The following MED14 variants were observed in gnomAD, a reference collection of about 807,000 sequenced individuals.
MED14 encodes mediator of RNA polymerase II transcription subunit 14.
In MED14, 8 loss-of-function variants were observed where a neutral mutation model predicts 109.0. The ratio of observed to expected loss-of-function variants is 0.07; its 90% CI spans 0.04 to 0.13. The LOEUF is 0.13. MED14 is among the 10% of genes least tolerant of loss of function. MED14 has a pLI of 1.00. For missense variants in MED14, 711 were observed against 1,142.4 expected (o/e 0.62, Z 5.44); for synonymous variants, 399 against 408.7 (o/e 0.98, Z 0.29).
Position 40,709,433 on chromosome X carries a change from G to T in MED14, c.1200C>A (p.Leu400=), listed in dbSNP as rs1214903829. 1.8e-6 allele frequency: 2 copies of T among 1,133,175 alleles called. No individual in the cohort carries two copies. Among genetic ancestry groups the T allele is most frequent in the Admixed American group, 2.4e-5 (1 of 42,153 alleles). The allele number at this position is 1,133,175 out of a possible 1,213,427, so 93.4% of individuals were successfully genotyped here. Residue 400 remains leucine, a synonymous_variant, in exon 10 of 31, where the codon CTC becomes CTA. Transcript: ENST00000324817. The part of the protein sequence containing the change: ...MKIDHLSIEK[L]LIDSVHARAH... ...CTCTTGCATGGACACTGTCAATCAGGAGTTTTTCTATTGATAAGTGGTCGA... is the reference window on the plus strand; with the variant it reads ...CTCTTGCATGGACACTGTCAATCAGTAGTTTTTCTATTGATAAGTGGTCGA...
upstream of MED14, chrX:40,735,910 G>A (rs982637250): frequency 7.7e-6 from 2 of 261,405 alleles, no homozygotes; most frequent in African/African-American, 5.7e-5. Context: ...CGGAAACCAG[G>A]GTGAGGGCTG....
chrX:40,724,982 T>C (rs1931847236), intron 3 of MED14, among the ~76,000 whole-genome samples: 1 of 110,380 alleles, frequency 9.1e-6, no homozygotes, highest in Non-Finnish European at 1.9e-5. Flanking sequence ...AAGGAAACAT[T>C]ACAACTAATA....
At chrX:40,689,763 A>G (rs1175380261) in intron 15 of MED14, among the ~76,000 whole-genome samples, 2 of 112,158 alleles carry the variant, frequency 1.8e-5, no homozygotes, top group Non-Finnish European at 3.8e-5. Flanking sequence ...TCTCAGCCTA[A>G]ATTACTTTAA....
intron 18 of MED14, 26 bp from the exon 19 acceptor site, chrX:40,681,969 A>T: frequency 1.3e-6 from 1 of 778,773 alleles, no homozygotes; most frequent in South Asian, 3.0e-5. Flanking sequence ...CAAAAAGGAG[A>T]TTAATATTAT....
intron 3 of MED14, among the ~76,000 whole-genome samples, chrX:40,726,186 T>C (rs1402512908): frequency 1.8e-5 from 2 of 111,376 alleles, no homozygotes; most frequent in African/African-American, 6.5e-5. Context: ...CAAAAGACCA[T>C]GAGGTTCTCG....
At chrX:40,667,913 G>GGCCC (rs1364464626) in intron 23 of MED14, among the ~76,000 whole-genome samples, 64 of 111,419 alleles carry the variant, frequency 5.7e-4, no homozygotes, top group African/African-American at 2.1e-3. Flanking sequence ...AGCATGACTC[G>GGCCC]AAGAGCTTCG....
At chrX:40,716,563 C>T (rs915840158) in intron 3 of MED14, among the ~76,000 whole-genome samples, 1 of 105,543 alleles carries the variant, frequency 9.5e-6, no homozygotes, top group African/African-American at 3.5e-5. Flanking sequence ...GCACTCCAGT[C>T]TGGGTGACAG....
At chrX:40,720,046 T>C (rs188957038) in intron 3 of MED14, among the ~76,000 whole-genome samples, 6 of 111,878 alleles carry the variant, frequency 5.4e-5, no homozygotes, top group Admixed American at 2.8e-4. Context: ...CTAATTCTCA[T>C]TGATGGACTT....
At chrX:40,701,040 G>A in intron 12 of MED14, 125 bp downstream of exon 12, 1 of 421,051 alleles carries the variant, frequency 2.4e-6, no homozygotes. Flanking sequence ...GGTACCAAAC[G>A]GCACTTAAGT....
At chrX:40,659,395 T>C in intron 27 of MED14, 33 bp downstream of exon 27, 1 of 1,186,114 alleles carries the variant, frequency 8.4e-7, no homozygotes, top group Non-Finnish European at 1.1e-6. Context: ...GTTTCATTAA[T>C]TATATTCAAA....
At chrX:40,684,174 T>C (rs1930220185) in intron 16 of MED14, among the ~76,000 whole-genome samples, 1 of 111,738 alleles carries the variant, frequency 8.9e-6, no homozygotes, top group Non-Finnish European at 1.9e-5. Flanking sequence ...CTTGGCAGGA[T>C]TGGCATTTGG....
Position 40,651,021 on chromosome X carries a change from G to A in MED14, c.*785C>T. 4.0e-6 allele frequency: 3 copies of A among 753,489 alleles called. No individual in the cohort carries two copies. Among genetic ancestry groups the A allele is most frequent in the Non-Finnish European group, 4.7e-6 (3 of 638,561 alleles). 62.1% of individuals were successfully genotyped at this position (753,489 alleles called of 1,213,427 possible). Reference sequence around the variant, plus strand: ...GAACCACATACTGTCCCTTCTCAAAGACTAAGTTCCTTATTTTTCACCCAA... The same window carrying A: ...GAACCACATACTGTCCCTTCTCAAAAACTAAGTTCCTTATTTTTCACCCAA... On this transcript the variant is annotated 3_prime_UTR_variant, in exon 31 of 31. Coordinates refer to ENST00000324817, the MANE Select transcript of MED14 (RefSeq NM_004229.4).
intron 3 of MED14, among the ~76,000 whole-genome samples, chrX:40,715,568 C>T (rs1931483010): frequency 1.8e-5 from 2 of 109,689 alleles, no homozygotes; most frequent in Non-Finnish European, 3.8e-5. Context: ...GGGCAGGTCA[C>T]GAGGTCAGGA....
intron 22 of MED14, among the ~76,000 whole-genome samples, chrX:40,674,270 G>C (rs1319256451): frequency 9.0e-6 from 1 of 111,483 alleles, no homozygotes; most frequent in Non-Finnish European, 1.9e-5. Context: ...AAGGGAAACA[G>C]TGACAAGGCA....
chrX:40,666,826 G>T lies in MED14; in HGVS notation c.3159C>A (p.Pro1053=), dbSNP rs754773813. The change falls in exon 24 of 31, where the codon CCC becomes CCA. Residue 1053 remains proline, a synonymous_variant. Coordinates refer to ENST00000324817, the MANE Select transcript of MED14 (RefSeq NM_004229.4). The part of the protein sequence containing the change: ...SPGNLHAASS[P]SGALRAPSPA... ...GTGATGGGGCTCTCAAAGCCCCACT[G>T]GGGGAGCTGGCAGCATGCAGATTTC... is the stretch of plus-strand genomic sequence containing the variant. 74 of 1,178,955 alleles carry T rather than the reference G, an allele frequency of 6.3e-5. 1 individual carries two copies. The Admixed American group carries it at 1.8e-3, about 28-fold the overall frequency.
intron 28 of MED14, among the ~76,000 whole-genome samples, chrX:40,657,125 G>A (rs952586421): frequency 7.2e-5 from 8 of 111,474 alleles, no homozygotes; most frequent in African/African-American, 2.0e-4. Context: ...CCAACCTCAC[G>A]TGATCCACCT....
chrX:40,727,007 T>C (rs945501025), intron 2 of MED14, among the ~76,000 whole-genome samples, 156 bp from the exon 3 acceptor site: 1 of 112,290 alleles, frequency 8.9e-6, no homozygotes, highest in African/African-American at 3.2e-5. Flanking sequence ...ATATGAACTA[T>C]TGTCACATTT....
intron 30 of MED14, among the ~76,000 whole-genome samples, chrX:40,652,380 T>TA (rs1000592965): frequency 1.8e-5 from 2 of 112,156 alleles, no homozygotes; most frequent in African/African-American, 6.5e-5. Context: ...CCATGGCTAT[T>TA]AAGCACTTGT....
chrX:40,710,705 T>C (rs1931310315), intron 8 of MED14, among the ~76,000 whole-genome samples: 1 of 109,707 alleles, frequency 9.1e-6, no homozygotes, highest in African/African-American at 3.4e-5. Flanking sequence ...TCAAACTTTT[T>C]AAGAATAGTA....
Sources: gnomAD v4.1 joint callset for allele counts (sites outside exome capture counted in the v4.1 genomes callset) on GRCh38, gnomAD v4.1.1 for gene constraint, MANE v1.5 for transcripts, NCBI Gene and HGNC (gene_info 2026-07-23, HGNC 2026-07-21) for gene names.